The following TMED5 variants were observed in gnomAD, a reference collection of about 807,000 sequenced individuals.
TMED5 encodes the protein transmembrane p24 trafficking protein 5.
TMED5 carries 27 observed loss-of-function variants against 23.0 expected under a neutral mutation model. That is an observed-to-expected ratio of 1.17 (90% CI 0.86 to 1.62). The LOEUF (loss-of-function observed/expected upper bound fraction) is 1.62, where lower values mean the gene tolerates loss of function less well. Ranked by LOEUF, TMED5 falls within the 40% of genes most tolerant of loss-of-function variation. TMED5 has a pLI of 0.00. For missense variants in TMED5, 248 were observed against 273.7 expected (o/e 0.91, Z 0.66); for synonymous variants, 97 against 100.8 (o/e 0.96, Z 0.23).
rs1016530846 is a variant in TMED5 at position 93,160,162 on chromosome 1, A to C, written c.254T>G (p.Val85Gly). ...TCCATCTGATTTTCTTTGTTCAAAA[A>C]CTAAGGTTTTGCCTTCTGGAGAGGC... Reference protein sequence around the residue: ...HLASPEGKTLVFEQRKSDGVH... With the variant: ...HLASPEGKTLGFEQRKSDGVH... Residue 85 changes from valine to glycine, a missense_variant, in exon 2 of 4, where the codon GTT (valine) becomes GGT (glycine). Val to Gly is a moderately radical substitution (Grantham distance 109). Coordinates refer to ENST00000370282, the MANE Select transcript of TMED5 (RefSeq NM_016040.5). 1 of 1,613,318 alleles carries C rather than the reference A, an allele frequency of 6.2e-7. No homozygotes were observed. Among genetic ancestry groups the C allele is most frequent in the South Asian group, 1.1e-5 (1 of 91,024 alleles).
chr1:93,155,389 T>G (rs2101123697), intron 3 of TMED5, among the ~76,000 whole-genome samples: 1 of 152,312 alleles, frequency 6.6e-6, no homozygotes, highest in East Asian at 1.9e-4. Context: ...TTATATTGTT[T>G]ATAAGTAGTT....
rs11322215 is a variant in TMED5 at position 93,177,584 on chromosome 1, C to CAAA, written c.189+2467_189+2469dup. Among the ~76,000 whole-genome samples, 14 of 44,426 alleles carry CAAA rather than the reference C, an allele frequency of 3.2e-4. 1 individual carries two copies. Among genetic ancestry groups the CAAA allele is most frequent in the African/African-American group, 1.2e-3 (9 of 7,674 alleles). 29.1% of individuals were successfully genotyped at this position (44,426 alleles called of 152,430 possible). A position where few individuals can be genotyped will look rare whatever the true frequency, so the allele number is the denominator to read the frequency against. On this transcript the variant is annotated intron_variant, in intron 1 of 3. Coordinates refer to ENST00000370282, the MANE Select transcript of TMED5 (RefSeq NM_016040.5). ...AGAGTGACAGAGGGAGACTCTGTCT[C>CAAA]AAAAAAAAAAAAAAAAAAAAAAAAA...
At chr1:93,158,959 T>A in intron 2 of TMED5, 1 of 524,106 alleles carries the variant, frequency 1.9e-6, no homozygotes. Context: ...TTCTATCTTA[T>A]TTAGTAATAG....
chr1:93,173,165 A>C (rs964558556), intron 1 of TMED5, among the ~76,000 whole-genome samples: 6 of 152,224 alleles, frequency 3.9e-5, no homozygotes, highest in South Asian at 4.1e-4. Flanking sequence ...TATGGTCAAT[A>C]ATAATGTATA....
At position 93,152,347 on chromosome 1, in the gene TMED5, A is replaced by G. The variant is rs1647909575; in HGVS notation, c.*2323T>C. On this transcript the variant is annotated 3_prime_UTR_variant, in exon 4 of 4. Coordinates refer to ENST00000370282, the MANE Select transcript of TMED5 (RefSeq NM_016040.5). Reference sequence around the variant, plus strand: ...TAAACAGCTTACTCAATTTAGCATAACTTTAATTTAGAAATGGAATAGTGA... The same window carrying G: ...TAAACAGCTTACTCAATTTAGCATAGCTTTAATTTAGAAATGGAATAGTGA... 1 of 152,454 alleles carries G rather than the reference A, an allele frequency of 6.6e-6. No homozygotes were observed. Among genetic ancestry groups the G allele is most frequent in the South Asian group, 2.1e-4 (1 of 4,828 alleles). 9.4% of individuals were successfully genotyped at this position (152,454 alleles called of 1,614,324 possible). A position where few individuals can be genotyped will look rare whatever the true frequency, so the allele number is the denominator to read the frequency against.
At chr1:93,165,638 C>T (rs1300150676) in intron 1 of TMED5, among the ~76,000 whole-genome samples, 1 of 152,164 alleles carries the variant, frequency 6.6e-6, no homozygotes, top group African/African-American at 2.4e-5. Context: ...GCATGCAATG[C>T]ATATTAACCA....
rs1441646456 is a variant in TMED5 at position 93,180,340 on chromosome 1, G to C, written c.-98C>G. The C allele has an allele frequency of 5.7e-6, 8 of 1,409,008 alleles. No homozygotes were observed. Among genetic ancestry groups the C allele is most frequent in the Non-Finnish European group, 7.6e-6 (8 of 1,051,814 alleles). 87.3% of individuals were successfully genotyped at this position (1,409,008 alleles called of 1,614,324 possible). A position where few individuals can be genotyped will look rare whatever the true frequency, so the allele number is the denominator to read the frequency against. On this transcript the variant is annotated 5_prime_UTR_variant, in exon 1 of 4. Coordinates refer to ENST00000370282, the MANE Select transcript of TMED5 (RefSeq NM_016040.5). ...CTCCTCGTGGTTGACAGGGAAATCT[G>C]GAGTCTGAAGAAACTCCAGGTGGCG...
intron 2 of TMED5, among the ~76,000 whole-genome samples, chr1:93,159,839 C>T (rs1242678357): frequency 6.6e-6 from 1 of 152,140 alleles, no homozygotes; most frequent in Non-Finnish European, 1.5e-5. Flanking sequence ...GGCCAGAAGG[C>T]AGGTTTAAAA....
intron 1 of TMED5, among the ~76,000 whole-genome samples, chr1:93,169,594 G>A (rs116136500): frequency 2.1e-4 from 31 of 146,134 alleles, no homozygotes; most frequent in East Asian, 3.9e-4. Context: ...AATCAACGCA[G>A]AAAAAAAAAA....
rs1647817775 is a variant in TMED5, at chr1:93,150,014, A to G, written c.*4656T>C. 1 of 152,170 alleles carries G rather than the reference A, an allele frequency of 6.6e-6. No individual in the cohort carries two copies. The highest frequency in any genetic ancestry group is 1.5e-5 in the Non-Finnish European group (1 of 68,034). The allele number at this position is 152,170 out of a possible 1,614,324, so 9.4% of individuals were successfully genotyped here. A position where few individuals can be genotyped will look rare whatever the true frequency, so the allele number is the denominator to read the frequency against. On this transcript the variant is annotated 3_prime_UTR_variant, in exon 4 of 4. Transcript: ENST00000370282. ...AATATGTATATACCAACATACTAAT[A>G]TGTTTCAGCTATAAATACTTCTAAC...
intron 1 of TMED5, among the ~76,000 whole-genome samples, chr1:93,168,112 C>T (rs1394093017): frequency 2.6e-5 from 4 of 152,018 alleles, no homozygotes; most frequent in Admixed American, 2.6e-4. Context: ...GGACAAATTC[C>T]ATTTCAACCA....
rs1571294458 is a variant in TMED5 at position 93,180,035 on chromosome 1, G to C, written c.189+19C>G. The stretch of plus-strand genomic sequence containing the variant: ...CAGCTGGGTTAAAGGAAGGAGGCTG[G>C]TTTATCCTCCGCACTTACTTGGTAC... On this transcript the variant is annotated intron_variant, in intron 1 of 3. Coordinates refer to ENST00000370282, the MANE Select transcript of TMED5 (RefSeq NM_016040.5). 1 of 1,608,246 alleles carries C rather than the reference G, an allele frequency of 6.2e-7. No homozygotes were observed. The highest frequency in any genetic ancestry group is 1.3e-5 in the African/African-American group (1 of 74,694).
At chr1:93,158,820 C>T (rs1423085859) in intron 2 of TMED5, 1 of 551,248 alleles carries the variant, frequency 1.8e-6, no homozygotes, top group Admixed American at 6.4e-5. Flanking sequence ...CCCACCTTGG[C>T]CTCGGAAAGT....
chr1:93,171,117 C>T (rs530532344), intron 1 of TMED5, among the ~76,000 whole-genome samples: 3 of 152,334 alleles, frequency 2.0e-5, no homozygotes, highest in East Asian at 3.9e-4. Context: ...GTAACACTCA[C>T]CACGAAGGTC....
At chr1:93,158,349 G>A (rs1045900367) in intron 2 of TMED5, among the ~76,000 whole-genome samples, 1 of 151,996 alleles carries the variant, frequency 6.6e-6, no homozygotes, top group Non-Finnish European at 1.5e-5. Context: ...ACACTGGCCT[G>A]GCATATCAAA....
chr1:93,173,778 G>A (rs61252284), intron 1 of TMED5, among the ~76,000 whole-genome samples: 13,674 of 152,094 alleles, frequency 0.09, 2,018 homozygotes, highest in African/African-American at 0.31. Flanking sequence ...AACTGATTTG[G>A]TTTGTTTACC....
rs1379396224 is a variant in TMED5, at chr1:93,154,408, T to C, written c.*262A>G. ...AGACATTTGCAAAATTTTTCAAAGT[T>C]AGGAAAATGCAGTTATTAATATGGC... On this transcript the variant is annotated 3_prime_UTR_variant, in exon 4 of 4. Transcript: ENST00000370282. The C allele has an allele frequency of 9.5e-6, 4 of 422,714 alleles. No individual in the cohort carries two copies. Among genetic ancestry groups the C allele is most frequent in the Non-Finnish European group, 1.7e-5 (4 of 238,750 alleles). 26.2% of individuals were successfully genotyped at this position (422,714 alleles called of 1,614,324 possible).
chr1:93,179,397 G>A (rs1369696251), intron 1 of TMED5, among the ~76,000 whole-genome samples: 1 of 151,170 alleles, frequency 6.6e-6, no homozygotes, highest in Non-Finnish European at 1.5e-5. Flanking sequence ...AATGACACGA[G>A]GGAAATGCTT....
In TMED5 at chr1:93,153,909, G is replaced by A. The variant is rs974499668; in HGVS notation, c.*761C>T. On this transcript the variant is annotated 3_prime_UTR_variant, in exon 4 of 4. Transcript: ENST00000370282. Reference sequence around the variant, plus strand: ...TTAAAATCCTACACTTTAGTTAAGGGTTAGAGAAAATGTGTCCCTATGGAG... The same window carrying A: ...TTAAAATCCTACACTTTAGTTAAGGATTAGAGAAAATGTGTCCCTATGGAG... 1 of 152,364 alleles carries A rather than the reference G, an allele frequency of 6.6e-6. No homozygotes were observed. Among genetic ancestry groups the A allele is most frequent in the Non-Finnish European group, 1.5e-5 (1 of 67,988 alleles). 9.4% of individuals were successfully genotyped at this position (152,364 alleles called of 1,614,324 possible).
Sources: gnomAD v4.1 joint callset for allele counts (sites outside exome capture counted in the v4.1 genomes callset) on GRCh38, gnomAD v4.1.1 for gene constraint, MANE v1.5 for transcripts, NCBI Gene and HGNC (gene_info 2026-07-23, HGNC 2026-07-21) for gene names.